The following KLHL29 variants were observed in gnomAD, a reference collection of about 807,000 sequenced individuals.
KLHL29 encodes kelch like family member 29.
A neutral mutation model predicts 80.4 loss-of-function variants in KLHL29; 21 were observed. The observed-to-expected ratio is 0.26, with a 90% CI of 0.19 to 0.38. The LOEUF is 0.38. Among genes scored for constraint, KLHL29 ranks in the 10% least tolerant of loss-of-function variants. The pLI is 1.00. For missense variants in KLHL29, 867 were observed against 1,223.9 expected (o/e 0.71, Z 4.35); for synonymous variants, 511 against 526.8 (o/e 0.97, Z 0.41).
chr2:23,416,704 C>T (rs1456357426), intron 1 of KLHL29, among the ~76,000 whole-genome samples: 1 of 152,230 alleles, frequency 6.6e-6, no homozygotes, highest in African/African-American at 2.4e-5. Flanking sequence ...AAGAGGGTGT[C>T]TAGTGTGTTG....
chr2:23,686,594 G>A (rs1026155575), intron 6 of KLHL29, among the ~76,000 whole-genome samples: 4 of 151,868 alleles, frequency 2.6e-5, no homozygotes, highest in African/African-American at 9.7e-5. Flanking sequence ...GGGCATCAGA[G>A]GTCACGGGCA....
intron 1 of KLHL29, among the ~76,000 whole-genome samples, chr2:23,438,172 C>A (rs1572512830): frequency 6.6e-6 from 1 of 150,766 alleles, no homozygotes; most frequent in East Asian, 1.9e-4. Context: ...TATCCTGAGA[C>A]TTTGCTGAAG....
At chr2:23,411,379 TTGTGTGTGTGTGTGTGTGTGTG>T (rs56103621) in intron 1 of KLHL29, among the ~76,000 whole-genome samples, 3 of 109,026 alleles carry the variant, frequency 2.8e-5, no homozygotes, top group South Asian at 4.2e-4. Context: ...GTTGCAAAAA[TTGTGTGTGTGTGTGTGTGTGTG>T]TGTGTGTGTG....
At chr2:23,691,624 C>T (rs1384209215) in intron 6 of KLHL29, 50 bp from the exon 7 acceptor site, 5 of 1,490,464 alleles carry the variant, frequency 3.4e-6, no homozygotes, top group Non-Finnish European at 3.7e-6. Context: ...GAGGAAGCGG[C>T]ACGGTGGCCG....
chr2:23,452,593 G>A (rs1182736803), intron 1 of KLHL29, among the ~76,000 whole-genome samples: 2 of 152,132 alleles, frequency 1.3e-5, no homozygotes, highest in African/African-American at 2.4e-5. Flanking sequence ...CATCAGCCCC[G>A]CCTTTGTGTC....
chr2:23,454,059 A>AC (rs1663967929), intron 1 of KLHL29, among the ~76,000 whole-genome samples: 1 of 152,346 alleles, frequency 6.6e-6, no homozygotes, highest in African/African-American at 2.4e-5. Flanking sequence ...TCTGCTTTGA[A>AC]GAGCCTAGCC....
In KLHL29 at chr2:23,562,725, C is replaced by T. The variant is rs574169707; in HGVS notation, c.285+244C>T. 6.6e-6 allele frequency among the ~76,000 whole-genome samples: 1 copy of T among 152,318 alleles called. No individual in the cohort carries two copies. The highest frequency in any genetic ancestry group is 2.4e-5 in the African/African-American group (1 of 41,568). On this transcript the variant is annotated intron_variant, in intron 3 of 13. Transcript: ENST00000486442. This position sits in a 1 kb window ranked among gnomAD's most constrained non-coding sequence, Gnocchi z 4.5. ...AAGACAAGCAGGTGCTGAGGCCACT[C>T]ATTGTCCTATGCCATGTTGATTAGA...
At chr2:23,587,329 G>A (rs970323510) in intron 3 of KLHL29, among the ~76,000 whole-genome samples, 1 of 151,812 alleles carries the variant, frequency 6.6e-6, no homozygotes, top group Non-Finnish European at 1.5e-5. Context: ...CATAAAGGAG[G>A]TGAGCGTGGT....
At chr2:23,701,166 C>T (rs1358691237) in intron 11 of KLHL29, among the ~76,000 whole-genome samples, 3 of 152,246 alleles carry the variant, frequency 2.0e-5, no homozygotes, top group Admixed American at 6.5e-5. Flanking sequence ...AGTCCCAAGC[C>T]AGACCCTGAA....
chr2:23,548,362 C>T (rs778607698), intron 2 of KLHL29, among the ~76,000 whole-genome samples: 3 of 151,830 alleles, frequency 2.0e-5, no homozygotes, highest in Non-Finnish European at 4.4e-5. Context: ...GGCACACACA[C>T]AGGCACACAC....
intron 5 of KLHL29, among the ~76,000 whole-genome samples, chr2:23,683,094 C>G (rs1167597205): frequency 1.3e-5 from 2 of 152,230 alleles, no homozygotes; most frequent in East Asian, 3.9e-4. Flanking sequence ...AGCAGAGGCT[C>G]AGAGAGACAA....
At chr2:23,558,807 TG>T (rs1322456551) in intron 2 of KLHL29, among the ~76,000 whole-genome samples, 2 of 152,272 alleles carry the variant, frequency 1.3e-5, no homozygotes, top group East Asian at 3.8e-4. Context: ...CAAATGTGTT[TG>T]TCCTCTCTGG....
At chr2:23,663,493 TG>T (rs778993296) in intron 5 of KLHL29, among the ~76,000 whole-genome samples, 2 of 152,226 alleles carry the variant, frequency 1.3e-5, no homozygotes, top group Non-Finnish European at 2.9e-5. Flanking sequence ...GTGGCGCGTC[TG>T]CGAGCGCCTA....
intron 1 of KLHL29, among the ~76,000 whole-genome samples, chr2:23,442,604 A>G (rs891844122): frequency 7.9e-5 from 12 of 152,206 alleles, no homozygotes; most frequent in African/African-American, 2.9e-4. Flanking sequence ...CCCTGCCAAC[A>G]CTTCTACTTC....
chr2:23,408,545 A>G (rs1480318667), intron 1 of KLHL29, among the ~76,000 whole-genome samples: 2 of 152,168 alleles, frequency 1.3e-5, no homozygotes, highest in East Asian at 1.9e-4. Context: ...TTACATATAC[A>G]TAGAGTGAGA....
chr2:23,555,340 C>G lies in KLHL29; in HGVS notation c.-45-6812C>G, dbSNP rs909163714. ...TTCTAGGGACAGGCAGTGGGAGAAG[C>G]CTTAGGAGGGAGCCAAAAGTCAGGG... On this transcript the variant is annotated intron_variant, in intron 2 of 13. Coordinates refer to ENST00000486442, the MANE Select transcript of KLHL29 (RefSeq NM_052920.2). Among the ~76,000 whole-genome samples the G allele has an allele frequency of 1.4e-4, 21 of 152,316 alleles. No individual in the cohort carries two copies. In the East Asian group the frequency reaches 3.9e-3, roughly 28 times the overall value.
chr2:23,597,581 T>C (rs985361545), intron 3 of KLHL29, among the ~76,000 whole-genome samples: 1 of 151,486 alleles, frequency 6.6e-6, no homozygotes, highest in Admixed American at 6.6e-5. Flanking sequence ...TGTGCCACCA[T>C]GCTTAGCTAA....
chr2:23,484,254 G>A (rs901585982), intron 2 of KLHL29, among the ~76,000 whole-genome samples: 1 of 152,162 alleles, frequency 6.6e-6, no homozygotes, highest in African/African-American at 2.4e-5. Flanking sequence ...TTGTAATCAG[G>A]CTGGTTGTGA....
intron 1 of KLHL29, among the ~76,000 whole-genome samples, chr2:23,474,317 A>G (rs1572343215): frequency 6.6e-6 from 1 of 152,162 alleles, no homozygotes; most frequent in African/African-American, 2.4e-5. Context: ...TTTGACCCCT[A>G]TCTCCTAGAC....
Sources: allele counts gnomAD v4.1 joint callset (sites outside exome capture counted in the v4.1 genomes callset), GRCh38; gene constraint gnomAD v4.1.1; non-coding constraint Gnocchi (gnomAD v3.1); transcripts MANE v1.5; gene names NCBI Gene and HGNC (gene_info 2026-07-23, HGNC 2026-07-21).